The following KCNC2 variants were observed in gnomAD, a reference collection of about 807,000 sequenced individuals.
The protein encoded by KCNC2 is potassium voltage-gated channel subfamily C member 2.
In KCNC2, 21 loss-of-function variants were observed where a neutral mutation model predicts 44.5. That is an observed-to-expected ratio of 0.47 (90% CI 0.33 to 0.68). The LOEUF is 0.68. KCNC2 is among the 30% of genes least tolerant of loss of function. The pLI, the probability that KCNC2 is intolerant of heterozygous loss-of-function variation, is 0.01. For synonymous variants in KCNC2, 391 were observed against 339.1 expected (o/e 1.15, Z -1.68); for missense variants, 589 against 826.2 (o/e 0.71, Z 3.52).
intron 2 of KCNC2, among the ~76,000 whole-genome samples, chr12:75,150,129 A>T (rs988009250): frequency 7.2e-5 from 11 of 151,888 alleles, no homozygotes; most frequent in African/African-American, 2.7e-4. Flanking sequence ...CTAAATACAT[A>T]TTCCTATACA....
chr12:75,091,333 T>C (rs1417104206), intron 2 of KCNC2, among the ~76,000 whole-genome samples: 2 of 151,730 alleles, frequency 1.3e-5, no homozygotes, highest in Non-Finnish European at 3.0e-5. Flanking sequence ...AATATGTCAT[T>C]GAAGTAGCTG....
chr12:75,158,733 G>A (rs1347051832), intron 2 of KCNC2, among the ~76,000 whole-genome samples: 2 of 151,816 alleles, frequency 1.3e-5, no homozygotes. Flanking sequence ...ATCTGAAAAT[G>A]GATCTGGGTA....
At chr12:75,140,904 T>A (rs151113087) in intron 2 of KCNC2, among the ~76,000 whole-genome samples, 4 of 152,018 alleles carry the variant, frequency 2.6e-5, no homozygotes, top group East Asian at 3.9e-4. Context: ...AACAAACTTA[T>A]GCTTTAAAAA....
At chr12:75,125,643 T>A (rs1227740463) in intron 2 of KCNC2, among the ~76,000 whole-genome samples, 1 of 152,192 alleles carries the variant, frequency 6.6e-6, no homozygotes, top group Admixed American at 6.5e-5. Flanking sequence ...TGTTTTCATA[T>A]CACTTTTTGC....
intron 2 of KCNC2, among the ~76,000 whole-genome samples, chr12:75,094,008 C>A (rs1318225434): frequency 6.6e-6 from 1 of 151,630 alleles, no homozygotes; most frequent in African/African-American, 2.4e-5. Flanking sequence ...TTACTAATCC[C>A]TTTTCTTTTT....
chr12:75,177,607 T>A (rs1389421824), intron 2 of KCNC2, among the ~76,000 whole-genome samples: 1 of 152,038 alleles, frequency 6.6e-6, no homozygotes, highest in African/African-American at 2.4e-5. Flanking sequence ...CACTCTGTGC[T>A]TATTTCATCC....
intron 2 of KCNC2, among the ~76,000 whole-genome samples, chr12:75,082,522 ATTTT>A (rs148537576): frequency 1.2e-3 from 166 of 137,788 alleles, no homozygotes; most frequent in East Asian, 0.01. Flanking sequence ...CACCCACGAG[ATTTT>A]TTTTTTTTTT....
intron 2 of KCNC2, among the ~76,000 whole-genome samples, chr12:75,178,789 C>T (rs1892364697): frequency 6.6e-6 from 1 of 152,054 alleles, no homozygotes; most frequent in African/African-American, 2.4e-5. Flanking sequence ...AAAATCCATG[C>T]TTGCCAGCGT....
intron 2 of KCNC2, among the ~76,000 whole-genome samples, chr12:75,105,082 T>C (rs567052853): frequency 3.3e-5 from 5 of 152,192 alleles, no homozygotes; most frequent in East Asian, 3.9e-4. Context: ...AAGTAAAATA[T>C]GTGGTATGTA....
At chr12:75,145,089 G>T (rs936139823) in intron 2 of KCNC2, among the ~76,000 whole-genome samples, 1 of 152,090 alleles carries the variant, frequency 6.6e-6, no homozygotes, top group Non-Finnish European at 1.5e-5. Flanking sequence ...CTAAAGCCTT[G>T]CAACATCTGT....
chr12:75,072,442 T>G (rs758704181), intron 2 of KCNC2, among the ~76,000 whole-genome samples: 2 of 152,162 alleles, frequency 1.3e-5, no homozygotes, highest in African/African-American at 2.4e-5. Context: ...TTTAAAAAAA[T>G]TATACTTTAG....
chr12:75,150,637 G>A (rs1247217803), intron 2 of KCNC2, among the ~76,000 whole-genome samples: 1 of 151,730 alleles, frequency 6.6e-6, no homozygotes, highest in Admixed American at 6.6e-5. Flanking sequence ...CACCATCAAA[G>A]CAAGAACATC....
intron 2 of KCNC2, among the ~76,000 whole-genome samples, chr12:75,192,623 C>T (rs890128915): frequency 4.7e-4 from 71 of 152,234 alleles, no homozygotes; most frequent in African/African-American, 1.7e-3. Flanking sequence ...ATGAGAAAAT[C>T]ACACATTATG....
chr12:75,192,624 A>G (rs2030392423), intron 2 of KCNC2, among the ~76,000 whole-genome samples: 2 of 152,196 alleles, frequency 1.3e-5, no homozygotes, highest in South Asian at 4.1e-4. Flanking sequence ...TGAGAAAATC[A>G]CACATTATGG....
intron 2 of KCNC2, among the ~76,000 whole-genome samples, chr12:75,171,977 C>T (rs1333796306): frequency 6.6e-6 from 1 of 151,606 alleles, no homozygotes; most frequent in African/African-American, 2.4e-5. Flanking sequence ...TATCTGCAAA[C>T]CTGCATATAC....
chr12:75,059,727 A>G (rs184827708), intron 2 of KCNC2, among the ~76,000 whole-genome samples: 1 of 152,212 alleles, frequency 6.6e-6, no homozygotes, highest in Non-Finnish European at 1.5e-5. Flanking sequence ...CTTCAATACA[A>G]TTGGCTGCTT....
chr12:75,112,213 T>C (rs1887311968), intron 2 of KCNC2, among the ~76,000 whole-genome samples: 2 of 151,990 alleles, frequency 1.3e-5, no homozygotes, highest in African/African-American at 4.8e-5. Context: ...ACAGTTCTAC[T>C]CTATGCTTAT....
intron 2 of KCNC2, among the ~76,000 whole-genome samples, chr12:75,172,549 G>C (rs563853846): frequency 6.6e-6 from 1 of 151,144 alleles, no homozygotes; most frequent in East Asian, 2.0e-4. Flanking sequence ...TAGCTGCTAA[G>C]ACAGAGCTTT....
intron 2 of KCNC2, among the ~76,000 whole-genome samples, chr12:75,073,638 A>C (rs919482611): frequency 6.6e-6 from 1 of 152,214 alleles, no homozygotes; most frequent in Non-Finnish European, 1.5e-5. Context: ...TTATTCATAT[A>C]AACTATGTGC....
Sources: allele counts gnomAD v4.1 joint callset (sites outside exome capture counted in the v4.1 genomes callset), GRCh38; gene constraint gnomAD v4.1.1; transcripts MANE v1.5; gene names NCBI Gene and HGNC (gene_info 2026-07-23, HGNC 2026-07-21).